Variants in RAP1GAP2 observed in about 807,000 individuals in gnomAD.
The protein encoded by RAP1GAP2 is RAP1 GTPase activating protein 2.
A neutral mutation model predicts 95.0 loss-of-function variants in RAP1GAP2; 27 were observed. The observed-to-expected ratio is 0.28, with a 90% CI of 0.21 to 0.39. The LOEUF (loss-of-function observed/expected upper bound fraction) is 0.39. RAP1GAP2 is among the 10% of genes least tolerant of loss of function. The probability of loss-of-function intolerance (pLI) is 1.00; values close to 1 mark genes in which losing one functional copy is unlikely to be tolerated. For synonymous variants in RAP1GAP2, 373 were observed against 380.9 expected (o/e 0.98, Z 0.24); for missense variants, 771 against 970.0 (o/e 0.79, Z 2.72).
chr17:2,841,989 G>A (rs889149392), intron 2 of RAP1GAP2, among the ~76,000 whole-genome samples: 9 of 152,328 alleles, frequency 5.9e-5, no homozygotes, highest in South Asian at 2.1e-4. Context: ...GCCCTGTGGC[G>A]TGCAAGCCTC....
chr17:2,885,065 G>A (rs1288914017), intron 2 of RAP1GAP2, among the ~76,000 whole-genome samples: 9 of 125,100 alleles, frequency 7.2e-5, no homozygotes, highest in African/African-American at 2.2e-4. Flanking sequence ...ATGGAGTCTC[G>A]CTCTGTCGCC....
chr17:2,856,934 G>C (rs1163121698), intron 2 of RAP1GAP2, among the ~76,000 whole-genome samples: 1 of 152,214 alleles, frequency 6.6e-6, no homozygotes, highest in Non-Finnish European at 1.5e-5. Flanking sequence ...CTCTGTATCT[G>C]GAGTTTCTTT....
intron 23 of RAP1GAP2, 39 bp downstream of exon 23, chr17:3,031,037 G>T (rs1337730401): frequency 3.9e-6 from 6 of 1,534,652 alleles, no homozygotes; most frequent in African/African-American, 2.8e-5. Context: ...TCCACTTTCT[G>T]CAGAGGCCCA....
intron 2 of RAP1GAP2, among the ~76,000 whole-genome samples, chr17:2,842,529 CAA>C (rs34473053): frequency 0.018 from 1,403 of 78,078 alleles, 15 homozygotes; most frequent in African/African-American, 0.055. Context: ...GATTCCGTCT[CAA>C]AAAAAAAAAA....
intron 3 of RAP1GAP2, among the ~76,000 whole-genome samples, chr17:2,913,956 C>T (rs141434817): frequency 4.9e-4 from 74 of 151,782 alleles, no homozygotes; most frequent in African/African-American, 1.6e-3. Context: ...CTGCAGCCTC[C>T]GCCTCCCGGG....
rs547263137 is a variant in RAP1GAP2, at chr17:3,005,563, T to G, written c.1272+123T>G. On this transcript the variant is annotated intron_variant, in intron 15 of 24. Transcript: ENST00000254695. This position sits in a 1 kb window ranked among gnomAD's most constrained non-coding sequence, Gnocchi z 5.2. ...CATTAGGGAGCTCCTTTTGCAGGTT[T>G]TGGGGGGAACCTCCTTTCTTGGGGT... is the stretch of plus-strand genomic sequence containing the variant. 6.1e-6 allele frequency: 7 copies of G among 1,152,758 alleles called. No homozygotes were observed. In the African/African-American group the frequency reaches 9.1e-5, roughly 15 times the overall value. 71.4% of individuals were successfully genotyped at this position (1,152,758 alleles called of 1,614,324 possible). A position where few individuals can be genotyped will look rare whatever the true frequency, so the allele number is the denominator to read the frequency against.
intron 3 of RAP1GAP2, among the ~76,000 whole-genome samples, chr17:2,956,704 G>T (rs2044119568): frequency 6.6e-6 from 1 of 152,202 alleles, no homozygotes; most frequent in Non-Finnish European, 1.5e-5. Flanking sequence ...TGTGTGTTTT[G>T]TTGGGGTAGA....
chr17:2,933,057 C>T (rs1013175694), intron 3 of RAP1GAP2, among the ~76,000 whole-genome samples: 8 of 152,214 alleles, frequency 5.3e-5, no homozygotes, highest in Non-Finnish European at 1.0e-4. Flanking sequence ...TCCCCGCGTA[C>T]AGGGCAGCAT....
upstream of RAP1GAP2, among the ~76,000 whole-genome samples, chr17:2,774,051 C>T (rs1159941042): frequency 6.6e-6 from 1 of 151,322 alleles, no homozygotes; most frequent in Non-Finnish European, 1.5e-5. Context: ...AGCCATCGTG[C>T]CTGGCCAGGT....
chr17:2,941,753 C>G (rs966201719), intron 3 of RAP1GAP2, among the ~76,000 whole-genome samples: 1 of 150,952 alleles, frequency 6.6e-6, no homozygotes, highest in South Asian at 2.1e-4. Context: ...ACCGCAACCT[C>G]CTCACAGCAA....
intron 3 of RAP1GAP2, among the ~76,000 whole-genome samples, chr17:2,957,359 C>A (rs542881054): frequency 6.6e-6 from 1 of 152,154 alleles, no homozygotes; most frequent in Non-Finnish European, 1.5e-5. Context: ...GGGTGTGGAA[C>A]GCCGCTTGTG....
chr17:2,997,849 G>C (rs892385635), intron 13 of RAP1GAP2, among the ~76,000 whole-genome samples: 1 of 151,384 alleles, frequency 6.6e-6, no homozygotes, highest in Non-Finnish European at 1.5e-5. Context: ...CTTGAACCCA[G>C]GAGGCGGAGG....
chr17:2,868,816 G>A (rs1400654704), intron 2 of RAP1GAP2, among the ~76,000 whole-genome samples: 1 of 152,134 alleles, frequency 6.6e-6, no homozygotes, highest in East Asian at 1.9e-4. Context: ...ACTGTGCCCG[G>A]CCAGAACAGA....
At chr17:2,953,776 G>T (rs964852910) in intron 3 of RAP1GAP2, among the ~76,000 whole-genome samples, 1 of 152,118 alleles carries the variant, frequency 6.6e-6, no homozygotes, top group South Asian at 2.1e-4. Flanking sequence ...GAACCCAGGA[G>T]GTGGAAGTTG....
chr17:2,945,846 G>A (rs1029699904), intron 3 of RAP1GAP2, among the ~76,000 whole-genome samples: 3 of 151,762 alleles, frequency 2.0e-5, no homozygotes, highest in Non-Finnish European at 4.4e-5. Flanking sequence ...CTGGAGTACA[G>A]TGGCACAATC....
chr17:2,804,422 A>G (rs1378395644), intron 2 of RAP1GAP2, among the ~76,000 whole-genome samples: 2 of 152,240 alleles, frequency 1.3e-5, no homozygotes, highest in African/African-American at 4.8e-5. Flanking sequence ...AACCCGTTCA[A>G]GGTCTTCAGG....
chr17:2,848,019 A>T (rs2071662699), intron 2 of RAP1GAP2, among the ~76,000 whole-genome samples: 1 of 152,192 alleles, frequency 6.6e-6, no homozygotes. Flanking sequence ...TCAGTAACCC[A>T]AGTGATATAT....
chr17:3,006,122 T>TAA, intron 16 of RAP1GAP2, 81 bp downstream of exon 16: 1 of 254,138 alleles, frequency 3.9e-6, no homozygotes, highest in Non-Finnish European at 6.6e-6. Flanking sequence ...TCCTCCATCT[T>TAA]TTTTTTTTTT....
At chr17:2,984,475 G>A (rs2045482618) in intron 10 of RAP1GAP2, among the ~76,000 whole-genome samples, 1 of 152,180 alleles carries the variant, frequency 6.6e-6, no homozygotes, top group Non-Finnish European at 1.5e-5. Flanking sequence ...TTTCCTCTTT[G>A]CATATTGTAT....
Sources: gnomAD v4.1 joint callset for allele counts (sites outside exome capture counted in the v4.1 genomes callset) on GRCh38, gnomAD v4.1.1 for gene constraint, Gnocchi (gnomAD v3.1) non-coding constraint, MANE v1.5 for transcripts, NCBI Gene and HGNC (gene_info 2026-07-23, HGNC 2026-07-21) for gene names.